MGA: variants seen among roughly 807,000 people sequenced by gnomAD.
MGA encodes the protein MAX dimerization protein MGA.
In MGA, 40 loss-of-function variants were observed where a neutral mutation model predicts 261.1. That is an observed-to-expected ratio of 0.15 (90% CI 0.12 to 0.20). The LOEUF (loss-of-function observed/expected upper bound fraction) is 0.20. Among genes scored for constraint, MGA ranks in the 10% least tolerant of loss-of-function variants. MGA has a pLI of 1.00. For missense variants in MGA, 3,397 were observed against 3,630.5 expected, an observed-to-expected ratio of 0.94 and a Z score of 1.65; for synonymous variants, 1,302 against 1,290.6, an observed-to-expected ratio of 1.01 and a Z score of -0.19.
intron 9 of MGA, among the ~76,000 whole-genome samples, chr15:41,715,590 C>G (rs1027627178): frequency 6.6e-6 from 1 of 152,014 alleles, no homozygotes; most frequent in South Asian, 2.1e-4. Context: ...CCCCAAATGC[C>G]TAGCCGTTGT....
At chr15:41,735,522 G>A (rs1186661704) in intron 12 of MGA, among the ~76,000 whole-genome samples, 1 of 152,176 alleles carries the variant, frequency 6.6e-6, no homozygotes, top group Non-Finnish European at 1.5e-5. Context: ...TGGATCATGA[G>A]GTCAAGAGAT....
In MGA at chr15:41,669,075, A is replaced by G. The variant is rs148393677; in HGVS notation, c.181A>G (p.Lys61Glu). The change falls in exon 2 of 24, where the codon AAA becomes GAA. Residue 61 changes from lysine (K) to glutamate (E), a missense_variant. This residue lies in a region of MGA where 81 missense variants were observed against 84.3 expected (regional missense o/e 0.96). Transcript: ENST00000219905. ...TAGTGTGTCATCACCAGTAAAATCT[A>G]AAGGGAAGATTTGCCTTCCAGCTGA... 6.2e-7 allele frequency: 1 copy of G among 1,610,230 alleles called. No homozygotes were observed. Among genetic ancestry groups the G allele is most frequent in the Non-Finnish European group, 8.5e-7 (1 of 1,176,620 alleles).
At chr15:41,671,976 G>A (rs1482319466) in intron 2 of MGA, among the ~76,000 whole-genome samples, 1 of 152,164 alleles carries the variant, frequency 6.6e-6, no homozygotes, top group Non-Finnish European at 1.5e-5. Flanking sequence ...TTCAGCCACA[G>A]CTTAATCATC....
chr15:41,741,223 T>C (rs1201435025), intron 14 of MGA, among the ~76,000 whole-genome samples: 1 of 151,816 alleles, frequency 6.6e-6, no homozygotes, highest in Non-Finnish European at 1.5e-5. Flanking sequence ...GGCATGCGCC[T>C]GTAGTCCCAG....
At chr15:41,622,864 A>G (rs2056340828) in intron 1 of MGA, among the ~76,000 whole-genome samples, 1 of 152,246 alleles carries the variant, frequency 6.6e-6, no homozygotes, top group Non-Finnish European at 1.5e-5. Flanking sequence ...TTTCCATACC[A>G]CTGCTTATGT....
At chr15:41,709,746 A>G (rs1465347157) in intron 7 of MGA, among the ~76,000 whole-genome samples, 1 of 151,002 alleles carries the variant, frequency 6.6e-6, no homozygotes, top group African/African-American at 2.4e-5. Flanking sequence ...TCACTCTCAT[A>G]AATAATCTTT....
intron 1 of MGA, among the ~76,000 whole-genome samples, chr15:41,665,328 T>G (rs2057667649): frequency 1.3e-5 from 2 of 152,134 alleles, no homozygotes; most frequent in Admixed American, 1.3e-4. Context: ...GTATAAAAAC[T>G]GGAAGCTGTA....
At chr15:41,742,282 G>A (rs919553660) in intron 14 of MGA, among the ~76,000 whole-genome samples, 8 of 151,922 alleles carry the variant, frequency 5.3e-5, no homozygotes, top group Non-Finnish European at 7.4e-5. Flanking sequence ...CAGCTACTCG[G>A]GAAGGCTGAG....
intron 3 of MGA, among the ~76,000 whole-genome samples, chr15:41,697,599 T>C (rs559477700): frequency 1.3e-5 from 2 of 152,142 alleles, no homozygotes; most frequent in South Asian, 2.1e-4. Context: ...GTAATTTTGG[T>C]AGAGACGGGG....
At chr15:41,651,984 A>G (rs1455523819) in intron 1 of MGA, among the ~76,000 whole-genome samples, 3 of 28,858 alleles carry the variant, frequency 1.0e-4, no homozygotes, top group East Asian at 1.0e-3. Context: ...TTTTTTTTTG[A>G]GACGGAGTCT....
chr15:41,675,589 G>T (rs565006187), intron 2 of MGA, among the ~76,000 whole-genome samples: 5 of 152,144 alleles, frequency 3.3e-5, no homozygotes, highest in African/African-American at 1.2e-4. Flanking sequence ...TGTTGGCCAG[G>T]CTCGTCTCAA....
intron 2 of MGA, among the ~76,000 whole-genome samples, chr15:41,676,867 TATC>T (rs2058412824): frequency 6.6e-6 from 1 of 152,204 alleles, no homozygotes; most frequent in Admixed American, 6.5e-5. Flanking sequence ...CTGATTTTTG[TATC>T]ATCTTTATTG....
At chr15:41,707,023 A>G (rs932474315) in intron 5 of MGA, among the ~76,000 whole-genome samples, 1 of 152,206 alleles carries the variant, frequency 6.6e-6, no homozygotes, top group African/African-American at 2.4e-5. Context: ...ATTAATAAGG[A>G]CTAGAGAACC....
In MGA at chr15:41,736,436, A is replaced by T; in HGVS notation, c.4172A>T (p.Tyr1391Phe). 1 of 1,614,034 alleles carries T rather than the reference A, an allele frequency of 6.2e-7. No homozygotes were observed. Among genetic ancestry groups the T allele is most frequent in the South Asian group, 1.1e-5 (1 of 91,080 alleles). ...CGGGGTGAGAAGAACCCTCCTGTTT[A>T]TTCTTCTCGTGTGAAAATCTCTATG... The change falls in exon 13 of 24, where the codon TAT becomes TTT. Residue 1391 changes from tyrosine to phenylalanine, a missense_variant. Tyr to Phe is a conservative substitution (Grantham distance 22). Coordinates refer to ENST00000219905, the MANE Select transcript of MGA (RefSeq NM_001164273.2).
chr15:41,760,608 CAT>C (rs2063397490), intron 20 of MGA, 79 bp downstream of exon 20: 1 of 1,397,698 alleles, frequency 7.2e-7, no homozygotes, highest in South Asian at 1.2e-5. Flanking sequence ...AATCCACTGA[CAT>C]ATAAGGGAGA....
At position 41,766,382 on chromosome 15, in the gene MGA, G is replaced by C; in HGVS notation, c.8300G>C (p.Arg2767Thr). 6.2e-7 allele frequency: 1 copy of C among 1,613,912 alleles called. No individual in the cohort carries two copies. The highest frequency in any genetic ancestry group is 8.5e-7 in the Non-Finnish European group (1 of 1,179,844). Residue 2767 changes from arginine (R) to threonine (T), a missense_variant, in exon 24 of 24, where the codon AGA becomes ACA. By Grantham distance (71) the Arg-to-Thr change is moderately conservative. Around this residue, in one of 9 missense-constraint regions of MGA, gnomAD observed 647 missense variants for 642.4 expected, o/e 1.01. Transcript: ENST00000219905. ...AAAGAGAGTGAATCAAGAGGGGAGA[G>C]AGTGAAGTCAAAGGATTCTTCATTT...
chr15:41,730,049 C>T (rs1333762367), intron 11 of MGA, among the ~76,000 whole-genome samples: 2 of 152,016 alleles, frequency 1.3e-5, no homozygotes, highest in African/African-American at 4.8e-5. Context: ...CCTGCCACCA[C>T]GTCTGGCTAA....
intron 17 of MGA, chr15:41,751,404 T>C (rs906025361): frequency 6.6e-6 from 1 of 152,126 alleles, no homozygotes; most frequent in Non-Finnish European, 1.5e-5. Flanking sequence ...TGTTGTAGTA[T>C]AAAAGCAGCT....
At chr15:41,656,242 GGGCAATCTTCTTA>G (rs1415412503), upstream of MGA, among the ~76,000 whole-genome samples, 3 of 151,900 alleles carry the variant, frequency 2.0e-5, no homozygotes. Flanking sequence ...GAGGCATCTG[GGGCAATCTTCTTA>G]GGCAAGGGTG....
Sources: gnomAD v4.1 joint callset for allele counts (sites outside exome capture counted in the v4.1 genomes callset) on GRCh38, gnomAD v4.1.1 for gene constraint, gnomAD v4.1.1 regional missense constraint, MANE v1.5 for transcripts, NCBI Gene and HGNC (gene_info 2026-07-23, HGNC 2026-07-21) for gene names.